Variants in CERS3 observed in about 807,000 individuals in gnomAD.
The protein encoded by CERS3 is LAG1 homolog, ceramide synthase 3.
Under a neutral mutation model 50.3 loss-of-function variants are expected in CERS3, and 33 were observed. The observed-to-expected ratio is 0.66, with a 90% CI of 0.50 to 0.88. The LOEUF (loss-of-function observed/expected upper bound fraction) is 0.88, where lower values mean the gene tolerates loss of function less well. CERS3 is among the 40% of genes least tolerant of loss of function. CERS3 has a pLI of 0.00. For missense variants in CERS3, 470 were observed against 460.3 expected (o/e 1.02, Z -0.19); for synonymous variants, 176 against 155.2 (o/e 1.13, Z -0.99).
intron 2 of CERS3, among the ~76,000 whole-genome samples, chr15:100,518,229 T>C (rs373300089): frequency 1.3e-5 from 2 of 151,482 alleles, no homozygotes; most frequent in Admixed American, 6.6e-5. Context: ...GACAGAGAGA[T>C]AGACAAAGAC....
At chr15:100,448,056 G>A (rs979897754) in intron 11 of CERS3, among the ~76,000 whole-genome samples, 14 of 152,146 alleles carry the variant, frequency 9.2e-5, no homozygotes, top group African/African-American at 2.9e-4. Flanking sequence ...GAACAAGCTC[G>A]GGGGAGAGCG....
intron 10 of CERS3, among the ~76,000 whole-genome samples, chr15:100,466,746 T>G (rs1235335683): frequency 2.9e-4 from 5 of 16,996 alleles, no homozygotes; most frequent in African/African-American, 6.2e-4. Context: ...CTTTCCTTCC[T>G]TCCTTCCTTC....
intron 5 of CERS3, among the ~76,000 whole-genome samples, chr15:100,484,142 T>C (rs1378564930): frequency 1.3e-5 from 2 of 152,074 alleles, no homozygotes; most frequent in African/African-American, 4.8e-5. Context: ...TTCTCTGCTC[T>C]TACAGTTGTG....
chr15:100,459,667 C>G (rs925169248), intron 10 of CERS3, among the ~76,000 whole-genome samples: 2 of 152,152 alleles, frequency 1.3e-5, no homozygotes, highest in Non-Finnish European at 2.9e-5. Context: ...AGAGTAGACT[C>G]ATTTTACAAT....
chr15:100,455,333 GA>G (rs2034330518), intron 11 of CERS3, among the ~76,000 whole-genome samples: 1 of 151,954 alleles, frequency 6.6e-6, no homozygotes, highest in Non-Finnish European at 1.5e-5. Context: ...GGGAGAAGAT[GA>G]AGAAAGGCTG....
intron 11 of CERS3, among the ~76,000 whole-genome samples, chr15:100,414,556 G>C (rs531611542): frequency 6.6e-6 from 1 of 152,170 alleles, no homozygotes; most frequent in South Asian, 2.1e-4. Flanking sequence ...AACCAAAACA[G>C]CACGGTACTG....
chr15:100,434,744 G>C (rs911781380), intron 11 of CERS3, among the ~76,000 whole-genome samples: 1 of 152,164 alleles, frequency 6.6e-6, no homozygotes, highest in Non-Finnish European at 1.5e-5. Context: ...TGAATGTGCA[G>C]ATTTATTAAC....
At chr15:100,481,458 T>C (rs1567650497) in intron 5 of CERS3, among the ~76,000 whole-genome samples, 1 of 152,244 alleles carries the variant, frequency 6.6e-6, no homozygotes, top group East Asian at 1.9e-4. Context: ...CTGGATTATC[T>C]TGTCCAAACA....
At chr15:100,441,014 A>C (rs2033656743) in intron 11 of CERS3, among the ~76,000 whole-genome samples, 1 of 152,192 alleles carries the variant, frequency 6.6e-6, no homozygotes, top group Admixed American at 6.5e-5. Flanking sequence ...CATGTTTCAA[A>C]GGTGTCAGAC....
chr15:100,505,876 A>G (rs540608617), intron 2 of CERS3, among the ~76,000 whole-genome samples: 1 of 152,306 alleles, frequency 6.6e-6, no homozygotes, highest in African/African-American at 2.4e-5. Flanking sequence ...GGCATGGGGC[A>G]TGGTGGCATG....
chr15:100,526,683 C>T (rs1244088049), intron 1 of CERS3, among the ~76,000 whole-genome samples: 1 of 152,152 alleles, frequency 6.6e-6, no homozygotes, highest in East Asian at 1.9e-4. Context: ...GAAAGATAAT[C>T]ACAAAGTGAT....
At chr15:100,517,937 G>C (rs1267493834) in intron 2 of CERS3, among the ~76,000 whole-genome samples, 1 of 152,230 alleles carries the variant, frequency 6.6e-6, no homozygotes, top group Non-Finnish European at 1.5e-5. Context: ...CTCTGGCCAA[G>C]GGCCAATGGC....
In CERS3 at chr15:100,481,964, T is replaced by C. The variant is rs149300442; in HGVS notation, c.408-1918A>G. On this transcript the variant is annotated intron_variant, in intron 5 of 11. Transcript: ENST00000679737. Reference sequence around the variant, plus strand: ...GATCACAGTATTGCTCTGAATGAAATTGCACTGATGAAACGTGCGCTTGTG... The same window carrying C: ...GATCACAGTATTGCTCTGAATGAAACTGCACTGATGAAACGTGCGCTTGTG... Among the ~76,000 whole-genome samples, 202 of 152,342 alleles carry C rather than the reference T, an allele frequency of 1.3e-3. 2 individuals carry two copies. The highest frequency in any genetic ancestry group is 4.0e-3 in the African/African-American group (165 of 41,582).
chr15:100,485,843 G>T (rs182383028), intron 4 of CERS3, among the ~76,000 whole-genome samples: 60 of 152,222 alleles, frequency 3.9e-4, no homozygotes, highest in African/African-American at 1.4e-3. Context: ...CAGCCTGGGC[G>T]ACAGAGAAGG....
intron 11 of CERS3, among the ~76,000 whole-genome samples, chr15:100,405,879 G>A (rs949793857): frequency 7.2e-5 from 11 of 152,186 alleles, no homozygotes; most frequent in African/African-American, 2.2e-4. Context: ...AATACTGTGG[G>A]TTTCCCCACT....
intron 5 of CERS3, among the ~76,000 whole-genome samples, chr15:100,481,381 T>A (rs1473449564): frequency 6.6e-6 from 1 of 152,204 alleles, no homozygotes; most frequent in African/African-American, 2.4e-5. Flanking sequence ...CCAAAAGACA[T>A]TTTACAAAAT....
chr15:100,453,234 A>T (rs1275558300), intron 11 of CERS3, among the ~76,000 whole-genome samples: 2 of 152,190 alleles, frequency 1.3e-5, no homozygotes, highest in Non-Finnish European at 2.9e-5. Context: ...TGATTAACAT[A>T]GATACAAAAA....
chr15:100,429,854 A>G (rs1284034257), intron 11 of CERS3, among the ~76,000 whole-genome samples: 1 of 152,124 alleles, frequency 6.6e-6, no homozygotes, highest in Non-Finnish European at 1.5e-5. Flanking sequence ...CACCACTTTA[A>G]TCTCCACCAA....
In CERS3 at chr15:100,501,690, G is replaced by T. The variant is rs767959919; in HGVS notation, c.160C>A (p.Arg54Ser). The T allele has an allele frequency of 2.5e-6, 4 of 1,612,604 alleles. No homozygotes were observed. The highest frequency in any genetic ancestry group is 1.7e-5 in the Admixed American group (1 of 60,020). ...AGTACTACTTACTTTTCAAATACAC[G>T]TCTGATAATCAGCAAGAGAAAAGCA... is the stretch of plus-strand genomic sequence containing the variant. ...PYAFLLLIIR[R>S]VFEKFVASPL... Residue 54 changes from arginine to serine, a missense_variant, in exon 3 of 12, where the codon CGT (arginine) becomes AGT (serine). Physicochemically the swap from Arg to Ser is moderately radical, Grantham distance 110. Transcript: ENST00000679737.
Sources: allele counts gnomAD v4.1 joint callset (sites outside exome capture counted in the v4.1 genomes callset), GRCh38; gene constraint gnomAD v4.1.1; transcripts MANE v1.5; gene names NCBI Gene and HGNC (gene_info 2026-07-23, HGNC 2026-07-21).